Variants in SCNN1B observed in about 807,000 individuals in gnomAD.
SCNN1B encodes epithelial sodium channel subunit beta.
A neutral mutation model predicts 65.3 loss-of-function variants in SCNN1B; 46 were observed. That is an observed-to-expected ratio of 0.70 (90% CI 0.56 to 0.90). SCNN1B has a LOEUF of 0.90. Ranked by LOEUF, SCNN1B falls within the 40% of genes least tolerant of loss-of-function variation. The pLI, the probability that SCNN1B is intolerant of heterozygous loss-of-function variation, is 0.00. For synonymous variants in SCNN1B, 349 were observed against 330.6 expected (o/e 1.06, Z -0.60); for missense variants, 751 against 830.5 (o/e 0.90, Z 1.18).
intron 2 of SCNN1B, chr16:23,283,937 G>T (rs1428093674): frequency 6.6e-6 from 1 of 152,188 alleles, no homozygotes; most frequent in Non-Finnish European, 1.5e-5. Context: ...AACCATGGAG[G>T]AGGTGCAGCC....
At chr16:23,288,290 G>T (rs1960879240) in intron 2 of SCNN1B, among the ~76,000 whole-genome samples, 1 of 152,096 alleles carries the variant, frequency 6.6e-6, no homozygotes, top group African/African-American at 2.4e-5. Flanking sequence ...GTATAGGACA[G>T]CCAGAATACA....
At chr16:23,318,272 T>C (rs1201799069) in intron 1 of SCNN1B, among the ~76,000 whole-genome samples, 1 of 152,210 alleles carries the variant, frequency 6.6e-6, no homozygotes, top group Non-Finnish European at 1.5e-5. Context: ...GCAAATCACC[T>C]GACCTCTCTG....
At chr16:23,323,521 T>C in intron 1 of SCNN1B, 1 of 702,890 alleles carries the variant, frequency 1.4e-6, no homozygotes, top group South Asian at 1.5e-5. Context: ...ATCAACTCAA[T>C]GAACTCAGTA....
At chr16:23,304,476 T>A (rs1489058129) in intron 1 of SCNN1B, among the ~76,000 whole-genome samples, 1 of 152,214 alleles carries the variant, frequency 6.6e-6, no homozygotes, top group Admixed American at 6.5e-5. Flanking sequence ...GCCAGGCCAC[T>A]AGTTCTGCCT....
chr16:23,363,167 T>C (rs1962586462), intron 4 of SCNN1B, among the ~76,000 whole-genome samples: 1 of 152,206 alleles, frequency 6.6e-6, no homozygotes, highest in African/African-American at 2.4e-5. Context: ...TCATCAAATA[T>C]TTACTGAGTG....
chr16:23,280,352 G>A (rs1364845115), intron 1 of SCNN1B, among the ~76,000 whole-genome samples: 1 of 151,844 alleles, frequency 6.6e-6, no homozygotes, highest in Non-Finnish European at 1.5e-5. Flanking sequence ...AGCCTCTTGA[G>A]TAGCTGGGCC....
At chr16:23,374,143 T>C (rs1296037507) in intron 7 of SCNN1B, among the ~76,000 whole-genome samples, 2 of 151,750 alleles carry the variant, frequency 1.3e-5, no homozygotes, top group African/African-American at 4.8e-5. Flanking sequence ...GGTGCATGCC[T>C]ATAGTCCCAG....
At chr16:23,313,643 C>T (rs12444683) in intron 1 of SCNN1B, among the ~76,000 whole-genome samples, 2 of 152,306 alleles carry the variant, frequency 1.3e-5, no homozygotes, top group East Asian at 1.9e-4. Context: ...AATGGAGTCT[C>T]GCTCTTTCAC....
chr16:23,278,247 T>C (rs773369270), exon 1 of SCNN1B: 1 of 152,180 alleles, frequency 6.6e-6, no homozygotes, highest in East Asian at 1.9e-4. Context: ...GGCTAAAACA[T>C]GCTTGAACCT....
In SCNN1B at chr16:23,287,411, G is replaced by A. The variant is rs187699414; in HGVS notation, n.178+3607G>A. On this transcript the variant is annotated intron_variant and non_coding_transcript_variant, in intron 2 of 3. Transcript: ENST00000569789. ...GGTAAAAGACATTTTGAGGGTGACC[G>A]GGGAAATGCTAATATGAGGAATTAC... Among the ~76,000 whole-genome samples the A allele has an allele frequency of 1.1e-3, 168 of 152,090 alleles. 1 individual carries two copies. Among genetic ancestry groups the A allele is most frequent in the African/African-American group, 3.9e-3 (162 of 41,498 alleles).
intron 4 of SCNN1B, among the ~76,000 whole-genome samples, chr16:23,357,850 C>T (rs942505467): frequency 2.0e-5 from 3 of 152,166 alleles, no homozygotes; most frequent in Non-Finnish European, 2.9e-5. Flanking sequence ...AGGGCACACC[C>T]GCCAACCACA....
intron 1 of SCNN1B, among the ~76,000 whole-genome samples, chr16:23,310,774 AGT>A (rs1208048816): frequency 1.3e-5 from 2 of 152,276 alleles, no homozygotes; most frequent in Non-Finnish European, 2.9e-5. Context: ...CAAGAAAAGA[AGT>A]GTACATTGAA....
chr16:23,299,581 C>T (rs924178941), upstream of SCNN1B, among the ~76,000 whole-genome samples: 1 of 152,130 alleles, frequency 6.6e-6, no homozygotes, highest in Non-Finnish European at 1.5e-5. Flanking sequence ...CCTGACAGTG[C>T]AAAAGCAATG....
At chr16:23,284,609 T>C (rs1050537364) in intron 2 of SCNN1B, among the ~76,000 whole-genome samples, 4 of 152,122 alleles carry the variant, frequency 2.6e-5, no homozygotes, top group African/African-American at 9.7e-5. Context: ...CACTAAAGTC[T>C]GTGCTCTTAA....
At chr16:23,295,982 C>A (rs911198986) in intron 2 of SCNN1B, among the ~76,000 whole-genome samples, 1 of 152,166 alleles carries the variant, frequency 6.6e-6, no homozygotes, top group African/African-American at 2.4e-5. Flanking sequence ...GAGTCCTGAG[C>A]GTCAGGCTGG....
At chr16:23,357,705 G>C (rs1045230022) in intron 4 of SCNN1B, among the ~76,000 whole-genome samples, 1 of 152,298 alleles carries the variant, frequency 6.6e-6, no homozygotes, top group East Asian at 1.9e-4. Flanking sequence ...ATTAGCAAAA[G>C]GTGGTTCCCA....
chr16:23,291,674 G>C (rs1960927006), intron 2 of SCNN1B, among the ~76,000 whole-genome samples: 1 of 151,156 alleles, frequency 6.6e-6, no homozygotes. Context: ...TCCGAGGTTT[G>C]GGCGATCCTC....
At chr16:23,365,409 GAGAA>G (rs1452916776) in intron 4 of SCNN1B, among the ~76,000 whole-genome samples, 6 of 141,472 alleles carry the variant, frequency 4.2e-5, no homozygotes, top group South Asian at 4.5e-4. Context: ...AAAGAAAAGA[GAGAA>G]AGAAAGAGAA....
chr16:23,310,290 CAAAAAA>C (rs202228096), intron 1 of SCNN1B, among the ~76,000 whole-genome samples: 2 of 93,004 alleles, frequency 2.2e-5, no homozygotes, highest in East Asian at 3.0e-4. Flanking sequence ...TCTGCATGAC[CAAAAAA>C]AAAAAAAAAA....
Sources: gnomAD v4.1 joint callset for allele counts (sites outside exome capture counted in the v4.1 genomes callset) on GRCh38, gnomAD v4.1.1 for gene constraint, MANE v1.5 for transcripts, NCBI Gene and HGNC (gene_info 2026-07-23, HGNC 2026-07-21) for gene names.